Variants in CDKAL1 observed in about 807,000 individuals in gnomAD.
The protein encoded by CDKAL1 is CDKAL1 threonylcarbamoyladenosine tRNA methylthiotransferase.
Under a neutral mutation model 68.2 loss-of-function variants are expected in CDKAL1, and 32 were observed. The observed-to-expected ratio is 0.47, with a 90% CI of 0.35 to 0.63. The LOEUF is 0.63. Ranked by LOEUF, CDKAL1 falls within the 30% of genes least tolerant of loss-of-function variation. The pLI is 0.00. For synonymous variants in CDKAL1, 234 were observed against 244.3 expected, an observed-to-expected ratio of 0.96 and a Z score of 0.39; for missense variants, 606 against 696.7, an observed-to-expected ratio of 0.87 and a Z score of 1.47.
intron 8 of CDKAL1, among the ~76,000 whole-genome samples, chr6:20,813,137 G>A (rs1019619225): frequency 3.9e-5 from 6 of 152,004 alleles, no homozygotes; most frequent in African/African-American, 1.5e-4. Context: ...TCTCTCAAGA[G>A]AATCTTGCTT....
rs2150932877 is a variant in CDKAL1 at position 21,065,237 on chromosome 6, T to C, written c.1236+9T>C. ...AAGTTCCAGCACAAGTGGTAAGATC[T>C]TTTTCTTGTAAGGTATTGTTTTTTG... On this transcript the variant is annotated intron_variant, in intron 12 of 15. Coordinates refer to ENST00000274695, the MANE Select transcript of CDKAL1 (RefSeq NM_017774.3). 1.3e-6 allele frequency: 2 copies of C among 1,595,026 alleles called. No individual in the cohort carries two copies. The highest frequency in any genetic ancestry group is 1.2e-5 in the South Asian group (1 of 85,520).
chr6:20,810,627 G>GGTGT (rs57000695), intron 8 of CDKAL1, among the ~76,000 whole-genome samples: 3,809 of 134,674 alleles, frequency 0.028, 79 homozygotes, highest in African/African-American at 0.054. Context: ...TGTATGTATG[G>GGTGT]GTGTGTGTGT....
At chr6:20,902,099 G>A (rs1015031278) in intron 9 of CDKAL1, among the ~76,000 whole-genome samples, 60 of 152,218 alleles carry the variant, frequency 3.9e-4, no homozygotes, top group African/African-American at 1.3e-3. Context: ...TTCTAACACT[G>A]TGGATTATTA....
At chr6:21,075,908 A>C (rs970992079) in intron 12 of CDKAL1, among the ~76,000 whole-genome samples, 4 of 152,200 alleles carry the variant, frequency 2.6e-5, no homozygotes, top group African/African-American at 9.6e-5. Flanking sequence ...TATGACTTGA[A>C]AAAAACAATT....
intron 4 of CDKAL1, chr6:20,558,868 A>G: frequency 1.6e-5 from 5 of 307,104 alleles, no homozygotes; most frequent in South Asian, 1.5e-4. Context: ...AGCTCAACCA[A>G]TCCACCTGCC....
intron 4 of CDKAL1, among the ~76,000 whole-genome samples, chr6:20,645,474 G>T (rs1768399477): frequency 6.6e-6 from 1 of 152,198 alleles, no homozygotes; most frequent in South Asian, 2.1e-4. Flanking sequence ...GCTCACACCT[G>T]TAATGCTAGC....
chr6:20,945,552 C>T lies in CDKAL1; in HGVS notation c.743-9867C>T, dbSNP rs187084112. Among the ~76,000 whole-genome samples the T allele has an allele frequency of 3.8e-4, 58 of 152,202 alleles. 1 individual carries two copies. The East Asian group carries it at 8.9e-3, about 23-fold the overall frequency. On this transcript the variant is annotated intron_variant, in intron 9 of 15. Coordinates refer to ENST00000274695, the MANE Select transcript of CDKAL1 (RefSeq NM_017774.3). ...TCATAGAGGCCCTATATCACATATT[C>T]TCATTTGTCCTATCTTCTGAAGCCA...
chr6:21,023,856 C>T (rs530427374), intron 11 of CDKAL1, among the ~76,000 whole-genome samples: 4 of 152,234 alleles, frequency 2.6e-5, no homozygotes, highest in African/African-American at 9.6e-5. Flanking sequence ...TCTATTGTGC[C>T]ATTCACTTTA....
At chr6:20,756,019 A>G (rs1296245593) in intron 6 of CDKAL1, 1 of 152,196 alleles carries the variant, frequency 6.6e-6, no homozygotes, top group Non-Finnish European at 1.5e-5. Context: ...GAGTACTAGC[A>G]TCTTTTCCCA....
chr6:20,888,255 T>G (rs920312948), intron 9 of CDKAL1, among the ~76,000 whole-genome samples: 1 of 151,990 alleles, frequency 6.6e-6, no homozygotes, highest in Non-Finnish European at 1.5e-5. Flanking sequence ...GATAGTTTGC[T>G]CAGAATGATG....
At chr6:20,555,032 C>A (rs964702465) in intron 4 of CDKAL1, among the ~76,000 whole-genome samples, 4 of 152,186 alleles carry the variant, frequency 2.6e-5, no homozygotes, top group African/African-American at 9.7e-5. Flanking sequence ...GAGCTGTTAA[C>A]ATTCTTGATA....
intron 11 of CDKAL1, among the ~76,000 whole-genome samples, chr6:21,049,028 G>C (rs1388916422): frequency 6.6e-6 from 1 of 151,980 alleles, no homozygotes; most frequent in Non-Finnish European, 1.5e-5. Context: ...TGACTTAGGG[G>C]TGGGGGTGGA....
intron 7 of CDKAL1, among the ~76,000 whole-genome samples, chr6:20,780,119 A>AAAAAAAAAAAAAAAAG (rs1561771085): frequency 2.0e-5 from 3 of 147,474 alleles, no homozygotes; most frequent in Non-Finnish European, 3.0e-5. Flanking sequence ...AAAAAAAAAA[A>AAAAAAAAAAAAAAAAG]AGACAAAATG....
chr6:21,085,866 T>C (rs1203418583), intron 12 of CDKAL1, among the ~76,000 whole-genome samples: 1 of 152,168 alleles, frequency 6.6e-6, no homozygotes, highest in Admixed American at 6.5e-5. Context: ...AAAAATATGC[T>C]AATTGCATCA....
At chr6:20,871,938 C>T (rs1231769294) in intron 9 of CDKAL1, among the ~76,000 whole-genome samples, 1 of 152,080 alleles carries the variant, frequency 6.6e-6, no homozygotes, top group African/African-American at 2.4e-5. Flanking sequence ...TGCTTAAGAA[C>T]ACAATAGGCT....
At chr6:20,624,117 G>A (rs1436001963) in intron 4 of CDKAL1, among the ~76,000 whole-genome samples, 1 of 152,024 alleles carries the variant, frequency 6.6e-6, no homozygotes, top group African/African-American at 2.4e-5. Context: ...CAGTTTGGGA[G>A]AGTTTACTAT....
At chr6:20,645,885 G>C (rs1461927464) in intron 4 of CDKAL1, among the ~76,000 whole-genome samples, 1 of 151,416 alleles carries the variant, frequency 6.6e-6, no homozygotes, top group Non-Finnish European at 1.5e-5. Flanking sequence ...CAAAGGGCAG[G>C]ATCATCAATA....
chr6:20,597,988 G>T (rs935427833), intron 4 of CDKAL1, among the ~76,000 whole-genome samples: 1 of 152,184 alleles, frequency 6.6e-6, no homozygotes, highest in Non-Finnish European at 1.5e-5. Context: ...AAGGATGTGA[G>T]TGCTGAGCCA....
chr6:21,032,334 A>G (rs1358838730), intron 11 of CDKAL1, among the ~76,000 whole-genome samples: 1 of 152,058 alleles, frequency 6.6e-6, no homozygotes, highest in Admixed American at 6.6e-5. Context: ...GAGAGATTAC[A>G]AAGTGCTGGG....
Sources: allele counts gnomAD v4.1 joint callset (sites outside exome capture counted in the v4.1 genomes callset), GRCh38; gene constraint gnomAD v4.1.1; transcripts MANE v1.5; gene names NCBI Gene and HGNC (gene_info 2026-07-23, HGNC 2026-07-21).